C11orf65: variants seen among roughly 807,000 people sequenced by gnomAD.
The protein encoded by C11orf65 is chromosome 11 open reading frame 65.
Under a neutral mutation model 35.3 loss-of-function variants are expected in C11orf65, and 38 were observed. The observed-to-expected ratio is 1.08, with a 90% CI of 0.83 to 1.41. The LOEUF (loss-of-function observed/expected upper bound fraction) is 1.41, where lower values mean the gene tolerates loss of function less well. C11orf65 is among the 40% of genes most tolerant of loss of function. The pLI is 0.00. For synonymous variants in C11orf65, 105 were observed against 114.4 expected (o/e 0.92, Z 0.53); for missense variants, 370 against 367.1 (o/e 1.01, Z -0.06).
At chr11:108,334,486 A>G (rs1358353004) in intron 3 of C11orf65, among the ~76,000 whole-genome samples, 2 of 152,238 alleles carry the variant, frequency 1.3e-5, no homozygotes, top group African/African-American at 4.8e-5. Context: ...GGGCAGGGAT[A>G]TATGTAATAA....
chr11:108,442,342 C>T lies in C11orf65; in HGVS notation c.82-10504G>A, dbSNP rs148575065. ...GGACTATGTGAAAAGATGAAACTTA[C>T]GTCTGATTGGTGTACCTGAAAGTGA... is the stretch of plus-strand genomic sequence containing the variant. On this transcript the variant is annotated intron_variant, in intron 2 of 8. Transcript: ENST00000393084. Among the ~76,000 whole-genome samples, 1,249 of 152,228 alleles carry T rather than the reference C, an allele frequency of 8.2e-3. 17 individuals carry two copies. The highest frequency in any genetic ancestry group is 9.9e-3 in the Non-Finnish European group (673 of 68,018).
At chr11:108,419,363 A>T (rs1308366720) in intron 3 of C11orf65, among the ~76,000 whole-genome samples, 1 of 152,204 alleles carries the variant, frequency 6.6e-6, no homozygotes, top group East Asian at 1.9e-4. Flanking sequence ...CAATTAAAGC[A>T]AAAAAGGTCT....
intron 6 of C11orf65, among the ~76,000 whole-genome samples, chr11:108,403,946 A>T (rs2092490117): frequency 6.6e-6 from 1 of 152,082 alleles, no homozygotes; most frequent in Non-Finnish European, 1.5e-5. Context: ...GATTATTAAG[A>T]TTCTTCTCTG....
At chr11:108,359,007 G>C (rs1041281871) in intron 2 of C11orf65, among the ~76,000 whole-genome samples, 6 of 151,362 alleles carry the variant, frequency 4.0e-5, no homozygotes, top group African/African-American at 1.5e-4. Flanking sequence ...TGGCAAATTG[G>C]ATAAAGAGTC....
chr11:108,398,559 TAA>T (rs2138519858), intron 6 of C11orf65, among the ~76,000 whole-genome samples: 1 of 152,318 alleles, frequency 6.6e-6, no homozygotes, highest in South Asian at 2.1e-4. Context: ...TGAGGGTAAA[TAA>T]ACACAGGAAA....
At chr11:108,383,870 CTTTTTTTTT>C (rs10563376) in intron 8 of C11orf65, among the ~76,000 whole-genome samples, 2 of 117,868 alleles carry the variant, frequency 1.7e-5, no homozygotes, top group African/African-American at 3.3e-5. Context: ...ATATTGTTTC[CTTTTTTTTT>C]TTTTTTTTTG....
chr11:108,455,578 G>C (rs987860350), intron 2 of C11orf65, among the ~76,000 whole-genome samples: 1 of 152,144 alleles, frequency 6.6e-6, no homozygotes, highest in Non-Finnish European at 1.5e-5. Context: ...AGCACTTTGG[G>C]AGGTCGAGGC....
downstream of C11orf65, among the ~76,000 whole-genome samples, chr11:108,378,069 T>C (rs1565623547): frequency 3.3e-5 from 5 of 151,842 alleles, no homozygotes; most frequent in South Asian, 4.2e-4. Context: ...AGGTAATTTA[T>C]AGATTCAATG....
chr11:108,420,905 G>A (rs778592101), intron 3 of C11orf65, among the ~76,000 whole-genome samples: 5 of 151,994 alleles, frequency 3.3e-5, no homozygotes, highest in African/African-American at 4.8e-5. Context: ...GTGAGCTACC[G>A]CACCCGGCCA....
chr11:108,424,947 T>C (rs1448102597), intron 3 of C11orf65, among the ~76,000 whole-genome samples: 1 of 152,134 alleles, frequency 6.6e-6, no homozygotes, highest in Non-Finnish European at 1.5e-5. Flanking sequence ...AATAAGTTAT[T>C]TGAAACCAAT....
chr11:108,334,146 AG>A (rs1160576597), intron 3 of C11orf65, among the ~76,000 whole-genome samples: 1 of 152,164 alleles, frequency 6.6e-6, no homozygotes, highest in African/African-American at 2.4e-5. Flanking sequence ...AATACTCAAA[AG>A]CTTCTCCTGC....
At chr11:108,444,762 C>A (rs1330325926) in intron 2 of C11orf65, among the ~76,000 whole-genome samples, 3 of 152,142 alleles carry the variant, frequency 2.0e-5, no homozygotes, top group Non-Finnish European at 2.9e-5. Context: ...GGGTGTAGGA[C>A]ACTGGGTACA....
intron 6 of C11orf65, 76 bp downstream of exon 6, chr11:108,405,353 G>A (rs1309073250): frequency 1.3e-6 from 2 of 1,484,270 alleles, no homozygotes; most frequent in South Asian, 1.3e-5. Context: ...CTCTTGTGAG[G>A]AGCAATACCT....
At chr11:108,411,510 G>A (rs2092656327) in intron 3 of C11orf65, among the ~76,000 whole-genome samples, 1 of 152,138 alleles carries the variant, frequency 6.6e-6, no homozygotes, top group Admixed American at 6.5e-5. Context: ...ATTAGGTAAA[G>A]AATTTAAAAT....
At position 108,345,687 on chromosome 11, in the gene C11orf65, ATTAGTT is replaced by A. The variant is rs561883630; in HGVS notation, c.227-10401_227-10396del. 2,840 of 1,331,208 alleles carry A rather than the reference ATTAGTT, an allele frequency of 2.1e-3. 5 individuals are homozygous for A. The highest frequency in any genetic ancestry group is 7.1e-3 in the Middle Eastern group (27 of 3,788). The allele number at this position is 1,331,208 out of a possible 1,614,324, so 82.5% of individuals were successfully genotyped here. A position where few individuals can be genotyped will look rare whatever the true frequency, so the allele number is the denominator to read the frequency against. ...CATATTTTTATATAAAAATGTGTATATTAGTTTAATTGAACACAATATTGAAAAATA... is the reference window on the plus strand; with the variant it reads ...CATATTTTTATATAAAAATGTGTATATAATTGAACACAATATTGAAAAATA... On this transcript the variant is annotated intron_variant, in intron 2 of 3. Coordinates refer to the C11orf65 transcript ENST00000524755.
intron 3 of C11orf65, among the ~76,000 whole-genome samples, chr11:108,422,658 C>A: frequency 6.6e-6 from 1 of 152,066 alleles, no homozygotes; most frequent in East Asian, 1.9e-4. Flanking sequence ...CCAAGGTGGG[C>A]GGATCACGAG....
intron 3 of C11orf65, among the ~76,000 whole-genome samples, chr11:108,417,537 ACT>A (rs1241554230): frequency 6.6e-6 from 1 of 150,714 alleles, no homozygotes; most frequent in African/African-American, 2.4e-5. Flanking sequence ...ACAGAACGAG[ACT>A]CTGTCTCAAA....
intron 2 of C11orf65, among the ~76,000 whole-genome samples, chr11:108,444,610 C>T (rs1255551291): frequency 6.6e-6 from 1 of 152,146 alleles, no homozygotes; most frequent in Non-Finnish European, 1.5e-5. Flanking sequence ...CATCAAAAAG[C>T]TTATCCACAG....
chr11:108,453,990 A>C (rs2093383098), intron 2 of C11orf65, among the ~76,000 whole-genome samples: 2 of 152,154 alleles, frequency 1.3e-5, no homozygotes, highest in African/African-American at 4.8e-5. Context: ...TTCTTCTTTA[A>C]ATATTTAGTA....
Sources: allele counts gnomAD v4.1 joint callset (sites outside exome capture counted in the v4.1 genomes callset), GRCh38; gene constraint gnomAD v4.1.1; transcripts MANE v1.5; gene names NCBI Gene and HGNC (gene_info 2026-07-23, HGNC 2026-07-21).